STPG2: variants seen among roughly 807,000 people sequenced by gnomAD.
STPG2 encodes sperm tail PG-rich repeat containing 2.
STPG2 carries 56 observed loss-of-function variants against 54.2 expected under a neutral mutation model. That is an observed-to-expected ratio of 1.03 (90% CI 0.83 to 1.29). STPG2 has a LOEUF of 1.29. Among genes scored for constraint, STPG2 ranks in the 50% most tolerant of loss-of-function variants. The pLI, the probability that STPG2 is intolerant of heterozygous loss-of-function variation, is 0.00. For synonymous variants in STPG2, 200 were observed against 181.8 expected, an observed-to-expected ratio of 1.10 and a Z score of -0.81; for missense variants, 596 against 544.9, an observed-to-expected ratio of 1.09 and a Z score of -0.93.
chr4:98,110,592 C>T (rs1381099380), intron 3 of STPG2, among the ~76,000 whole-genome samples: 1 of 152,044 alleles, frequency 6.6e-6, no homozygotes, highest in Non-Finnish European at 1.5e-5. Flanking sequence ...CATACAAAAC[C>T]CAAAGTTAAA....
intron 5 of STPG2, among the ~76,000 whole-genome samples, chr4:98,066,457 T>A (rs1416235492): frequency 1.3e-5 from 2 of 152,032 alleles, no homozygotes; most frequent in Non-Finnish European, 2.9e-5. Flanking sequence ...GGTATGGTGG[T>A]GCATGCCTAT....
intron 4 of STPG2, among the ~76,000 whole-genome samples, chr4:98,108,258 C>G (rs957742): frequency 1.3e-5 from 2 of 151,770 alleles, no homozygotes; most frequent in East Asian, 1.9e-4. Flanking sequence ...TAATTGAGTA[C>G]GTAATCACTC....
intron 8 of STPG2, among the ~76,000 whole-genome samples, chr4:97,906,570 G>A (rs952463966): frequency 1.3e-5 from 2 of 152,048 alleles, no homozygotes; most frequent in African/African-American, 2.4e-5. Flanking sequence ...CCAAAAAAGA[G>A]AATTTTAGAC....
chr4:97,974,642 A>G (rs1321610842), intron 6 of STPG2, among the ~76,000 whole-genome samples: 3 of 151,890 alleles, frequency 2.0e-5, no homozygotes, highest in Non-Finnish European at 2.9e-5. Context: ...ACAAGATCTA[A>G]TGGTTTTAAA....
chr4:97,917,849 C>T (rs939979688), intron 8 of STPG2, among the ~76,000 whole-genome samples: 4 of 151,964 alleles, frequency 2.6e-5, no homozygotes, highest in African/African-American at 9.7e-5. Flanking sequence ...TCTTTTTAGG[C>T]TTATTAAATA....
intron 8 of STPG2, among the ~76,000 whole-genome samples, chr4:97,843,673 C>T (rs1728865621): frequency 6.6e-6 from 1 of 151,862 alleles, no homozygotes; most frequent in Non-Finnish European, 1.5e-5. Context: ...TGTTGAGAAT[C>T]ACATAAAGAC....
At chr4:97,782,004 T>C (rs1198451655) in intron 9 of STPG2, among the ~76,000 whole-genome samples, 1 of 152,180 alleles carries the variant, frequency 6.6e-6, no homozygotes, top group Non-Finnish European at 1.5e-5. Context: ...CTGGAAGCAT[T>C]CCCTTTGAAA....
chr4:98,019,289 C>A (rs575622745), intron 5 of STPG2, among the ~76,000 whole-genome samples: 1 of 152,128 alleles, frequency 6.6e-6, no homozygotes, highest in Non-Finnish European at 1.5e-5. Flanking sequence ...TTTCCCATTG[C>A]TTGTTTTTGT....
intron 8 of STPG2, among the ~76,000 whole-genome samples, chr4:97,842,344 C>T (rs1728826646): frequency 1.3e-5 from 2 of 151,816 alleles, no homozygotes; most frequent in Admixed American, 6.6e-5. Context: ...AAATAAGCAA[C>T]AGAGGCAATA....
At chr4:98,052,704 T>G (rs531452999) in intron 5 of STPG2, among the ~76,000 whole-genome samples, 1 of 152,320 alleles carries the variant, frequency 6.6e-6, no homozygotes, top group African/African-American at 2.4e-5. Flanking sequence ...GTTTGGTGAC[T>G]AGAAAGCATT....
At chr4:97,909,201 C>T (rs1473796384) in intron 8 of STPG2, among the ~76,000 whole-genome samples, 1 of 151,414 alleles carries the variant, frequency 6.6e-6, no homozygotes, top group East Asian at 1.9e-4. Flanking sequence ...ATCCTAGAAA[C>T]ATTAAAAATA....
At chr4:98,103,634 T>A (rs1037196546) in intron 5 of STPG2, among the ~76,000 whole-genome samples, 2 of 146,546 alleles carry the variant, frequency 1.4e-5, no homozygotes, top group African/African-American at 5.1e-5. Flanking sequence ...AAAGCAAAAC[T>A]CCATCTCAAA....
At chr4:97,530,552 G>A (rs1192905543) in intron 4 of STPG2, among the ~76,000 whole-genome samples, 1 of 151,982 alleles carries the variant, frequency 6.6e-6, no homozygotes. Context: ...GATTAAAAAA[G>A]TGAATATCAT....
chr4:97,496,689 C>A (rs1730618192), intron 4 of STPG2, among the ~76,000 whole-genome samples: 1 of 151,712 alleles, frequency 6.6e-6, no homozygotes, highest in African/African-American at 2.4e-5. Context: ...CTCAGAAGAT[C>A]CTAACTCTGA....
chr4:98,029,592 A>C (rs927130667), intron 5 of STPG2, among the ~76,000 whole-genome samples: 1 of 152,190 alleles, frequency 6.6e-6, no homozygotes, highest in Non-Finnish European at 1.5e-5. Context: ...AATTAGAAAT[A>C]GCACAGTTGT....
At chr4:98,077,225 T>TTTGTTGTTGTTGTTGTTG (rs56140336) in intron 5 of STPG2, among the ~76,000 whole-genome samples, 19 of 148,684 alleles carry the variant, frequency 1.3e-4, no homozygotes, top group African/African-American at 4.7e-4. Flanking sequence ...CCTCAATAGT[T>TTTGTTGTTGTTGTTGTTG]TTGTTGTTGT....
At chr4:97,467,421 A>G (rs1326447363) in intron 4 of STPG2, among the ~76,000 whole-genome samples, 1 of 151,910 alleles carries the variant, frequency 6.6e-6, no homozygotes, top group Non-Finnish European at 1.5e-5. Context: ...TCATCATTCA[A>G]TACTAATGGC....
chr4:98,094,466 T>C (rs1487524672), intron 5 of STPG2, among the ~76,000 whole-genome samples: 2 of 152,172 alleles, frequency 1.3e-5, no homozygotes, highest in Non-Finnish European at 1.5e-5. Flanking sequence ...ATTCTGTTTT[T>C]AAAAAGCAGA....
intron 10 of STPG2, among the ~76,000 whole-genome samples, chr4:97,620,844 C>T (rs1038866695): frequency 1.3e-5 from 2 of 152,016 alleles, no homozygotes; most frequent in South Asian, 2.1e-4. Flanking sequence ...CTCTCATCAC[C>T]ACATGGCACA....
Sources: allele counts gnomAD v4.1 joint callset (sites outside exome capture counted in the v4.1 genomes callset), GRCh38; gene constraint gnomAD v4.1.1; transcripts MANE v1.5; gene names NCBI Gene and HGNC (gene_info 2026-07-23, HGNC 2026-07-21).